The following IL1RAPL1 variants were observed in gnomAD, a reference collection of about 807,000 sequenced individuals.
The protein encoded by IL1RAPL1 is interleukin 1 receptor accessory protein like 1, also known as interleukin-1 receptor accessory protein-like 1.
IL1RAPL1 carries 3 observed loss-of-function variants against 48.4 expected under a neutral mutation model. The ratio of observed to expected loss-of-function variants is 0.06; its 90% CI spans 0.03 to 0.16. The LOEUF is 0.16. IL1RAPL1 is among the 10% of genes least tolerant of loss of function. The pLI, the probability that IL1RAPL1 is intolerant of heterozygous loss-of-function variation, is 1.00. For missense variants in IL1RAPL1, 349 were observed against 530.6 expected (o/e 0.66, Z 3.36); for synonymous variants, 185 against 187.7 (o/e 0.99, Z 0.12).
intron 6 of IL1RAPL1, among the ~76,000 whole-genome samples, chrX:29,669,760 T>C (rs1926094863): frequency 1.8e-5 from 2 of 111,748 alleles, no homozygotes; most frequent in Admixed American, 9.5e-5. Flanking sequence ...TGCTGTTATT[T>C]TGAGATGGAA....
chrX:29,837,294 T>C (rs1322792503), intron 6 of IL1RAPL1, among the ~76,000 whole-genome samples: 38 of 74,879 alleles, frequency 5.1e-4, no homozygotes, highest in African/African-American at 2.2e-3. Flanking sequence ...TATATATATA[T>C]ATATATACAC....
chrX:29,866,655 A>T (rs991572593), intron 6 of IL1RAPL1, among the ~76,000 whole-genome samples: 4 of 106,720 alleles, frequency 3.7e-5, no homozygotes, highest in Admixed American at 1.0e-4. Context: ...ATGTATTTTC[A>T]GAAACACCTA....
At chrX:29,187,362 A>C (rs1230111706) in intron 2 of IL1RAPL1, among the ~76,000 whole-genome samples, 1 of 111,466 alleles carries the variant, frequency 9.0e-6, no homozygotes, top group Non-Finnish European at 1.9e-5. Flanking sequence ...GTTCATGAAT[A>C]CTGGCACAAA....
intron 6 of IL1RAPL1, among the ~76,000 whole-genome samples, chrX:29,677,003 A>C (rs1436440963): frequency 8.9e-6 from 1 of 112,211 alleles, no homozygotes; most frequent in Non-Finnish European, 1.9e-5. Flanking sequence ...CTATCAAAGA[A>C]CATTACGTTG....
chrX:29,385,019 A>AT (rs58466665), intron 3 of IL1RAPL1, among the ~76,000 whole-genome samples: 13,852 of 110,768 alleles, frequency 0.13, 903 homozygotes, highest in African/African-American at 0.25. Flanking sequence ...TACCATTCTA[A>AT]TTTTTTTTAA....
At chrX:29,897,818 C>A (rs1932416632) in intron 6 of IL1RAPL1, among the ~76,000 whole-genome samples, 1 of 111,597 alleles carries the variant, frequency 9.0e-6, no homozygotes, top group African/African-American at 3.3e-5. Flanking sequence ...AGACCTGAAC[C>A]TGACTTAGGG....
chrX:29,486,095 A>T (rs941252073), intron 5 of IL1RAPL1, among the ~76,000 whole-genome samples: 1 of 110,993 alleles, frequency 9.0e-6, no homozygotes, highest in Admixed American at 9.6e-5. Flanking sequence ...GCTCCTAGAG[A>T]GTTACTCTTT....
intron 5 of IL1RAPL1, among the ~76,000 whole-genome samples, chrX:29,583,241 TA>T (rs1334710895): frequency 3.4e-5 from 2 of 58,934 alleles, no homozygotes; most frequent in Non-Finnish European, 6.2e-5. Flanking sequence ...GAGAAGGAAA[TA>T]AAGGGTATTC....
chrX:29,651,360 G>T (rs1925512456), intron 5 of IL1RAPL1, among the ~76,000 whole-genome samples: 1 of 110,865 alleles, frequency 9.0e-6, no homozygotes, highest in Non-Finnish European at 1.9e-5. Flanking sequence ...CCAAAGTATG[G>T]AATCAACCTA....
intron 2 of IL1RAPL1, among the ~76,000 whole-genome samples, chrX:28,832,093 C>A (rs1314934109): frequency 9.0e-6 from 1 of 111,185 alleles, no homozygotes; most frequent in Non-Finnish European, 1.9e-5. Flanking sequence ...ACATTTATTT[C>A]TTTATGTTAG....
intron 2 of IL1RAPL1, among the ~76,000 whole-genome samples, chrX:28,803,990 A>G (rs1157686678): frequency 8.9e-6 from 1 of 112,485 alleles, no homozygotes; most frequent in Non-Finnish European, 1.9e-5. Context: ...TAATTTGATC[A>G]TTCTTAGTTT....
intron 5 of IL1RAPL1, among the ~76,000 whole-genome samples, chrX:29,629,489 C>T (rs1253487105): frequency 2.7e-5 from 3 of 111,219 alleles, no homozygotes; most frequent in Non-Finnish European, 5.7e-5. Flanking sequence ...TGAGATTTTG[C>T]AATTTACTCT....
intron 2 of IL1RAPL1, among the ~76,000 whole-genome samples, chrX:29,142,444 C>A (rs937802714): frequency 6.3e-5 from 7 of 111,777 alleles, no homozygotes; most frequent in Non-Finnish European, 1.3e-4. Flanking sequence ...GAAGACATGG[C>A]AACTAATGCA....
intron 6 of IL1RAPL1, among the ~76,000 whole-genome samples, chrX:29,826,229 A>G (rs111791066): frequency 0.019 from 2,123 of 111,315 alleles, 49 homozygotes; most frequent in African/African-American, 0.064. Context: ...CCATTTCTAT[A>G]AAAGCTGTCC....
At chrX:29,155,961 A>G (rs1321117258) in intron 2 of IL1RAPL1, among the ~76,000 whole-genome samples, 1 of 111,088 alleles carries the variant, frequency 9.0e-6, no homozygotes, top group Non-Finnish European at 1.9e-5. Context: ...AATAATTTAT[A>G]GTATATGAAT....
rs61436993 is a variant in IL1RAPL1 at position 28,815,839 on chromosome X, G to GTATATATATATA, written c.82+26449_82+26460dup. On this transcript the variant is annotated intron_variant, in intron 2 of 10. Transcript: ENST00000378993. Reference sequence around the variant, plus strand: ...CTATTGTGTATGTATGTGTGTTTATGTATATATATATATATATATATATAT... The same window carrying GTATATATATATA: ...CTATTGTGTATGTATGTGTGTTTATGTATATATATATATATATATATATATATATATATATAT... Among the ~76,000 whole-genome samples the GTATATATATATA allele has an allele frequency of 3.3e-3, 97 of 29,094 alleles. 2 individuals are homozygous for GTATATATATATA. Among genetic ancestry groups the GTATATATATATA allele is most frequent in the Non-Finnish European group, 5.6e-3 (72 of 12,972 alleles). The allele number at this position is 29,094 out of a possible 115,157, so 25.3% of individuals were successfully genotyped here.
chrX:28,670,415 G>A (rs748283985), intron 1 of IL1RAPL1, among the ~76,000 whole-genome samples: 1 of 111,820 alleles, frequency 8.9e-6, no homozygotes, highest in African/African-American at 3.2e-5. Flanking sequence ...AGCCTCATCT[G>A]CAATATTGAA....
At chrX:28,996,769 G>A (rs1033407985) in intron 2 of IL1RAPL1, among the ~76,000 whole-genome samples, 28 of 110,936 alleles carry the variant, frequency 2.5e-4, no homozygotes, top group African/African-American at 8.2e-4. Flanking sequence ...GATTGTAGCC[G>A]TCATAGGATG....
At chrX:29,467,184 GT>G (rs1934871851) in intron 5 of IL1RAPL1, among the ~76,000 whole-genome samples, 1 of 111,906 alleles carries the variant, frequency 8.9e-6, no homozygotes, top group Non-Finnish European at 1.9e-5. Flanking sequence ...GTCAGGGATG[GT>G]GTCACACTGC....
Sources: allele counts gnomAD v4.1 joint callset (sites outside exome capture counted in the v4.1 genomes callset), GRCh38; gene constraint gnomAD v4.1.1; transcripts MANE v1.5; gene names NCBI Gene and HGNC (gene_info 2026-07-23, HGNC 2026-07-21).